The following BABAM2 variants were observed in gnomAD, a reference collection of about 807,000 sequenced individuals.
The protein encoded by BABAM2 is BRISC and BRCA1-A complex member 2.
In BABAM2, 31 loss-of-function variants were observed where a neutral mutation model predicts 54.7. The ratio of observed to expected loss-of-function variants is 0.57; its 90% confidence interval spans 0.43 to 0.77. BABAM2 has a LOEUF of 0.77. Among genes scored for constraint, BABAM2 ranks in the 30% least tolerant of loss-of-function variants. The probability of loss-of-function intolerance (pLI) is 0.00; values close to 1 mark genes in which losing one functional copy is unlikely to be tolerated. For synonymous variants in BABAM2, 167 were observed against 162.9 expected, an observed-to-expected ratio of 1.03 and a Z score of -0.19; for missense variants, 364 against 455.8, an observed-to-expected ratio of 0.80 and a Z score of 1.83.
At position 28,080,509 on chromosome 2, in the gene BABAM2, G is replaced by A. The variant is rs1387911134; in HGVS notation, c.570+34710G>A. On this transcript the variant is annotated intron_variant, in intron 6 of 11. Transcript: ENST00000379624. ...TGCCTCAAAAATCTCTAGATATAAT[G>A]AGAGAGATGGTAGGTACTCCTTGAG... Among the ~76,000 whole-genome samples the A allele has an allele frequency of 2.0e-5, 3 of 152,168 alleles. No homozygotes were observed. In the South Asian group the frequency reaches 6.2e-4, roughly 32 times the overall value.
chr2:28,068,957 G>A (rs563322734), intron 6 of BABAM2, among the ~76,000 whole-genome samples: 1 of 152,338 alleles, frequency 6.6e-6, no homozygotes, highest in Admixed American at 6.5e-5. Flanking sequence ...TTGTGTATGA[G>A]AGTGTGAAGG....
intron 7 of BABAM2, among the ~76,000 whole-genome samples, chr2:28,161,934 T>C (rs771355683): frequency 6.6e-6 from 1 of 152,170 alleles, no homozygotes; most frequent in Non-Finnish European, 1.5e-5. Flanking sequence ...ATTTGGACAC[T>C]CTTTTGTTTG....
chr2:28,196,834 G>GTTTTT (rs1316220461), intron 7 of BABAM2, among the ~76,000 whole-genome samples: 41 of 26,350 alleles, frequency 1.6e-3, no homozygotes, highest in East Asian at 9.1e-3. Flanking sequence ...GTGAGACCCT[G>GTTTTT]TCTTTTTTTT....
At chr2:28,223,499 A>G (rs1204578486) in intron 7 of BABAM2, among the ~76,000 whole-genome samples, 1 of 152,104 alleles carries the variant, frequency 6.6e-6, no homozygotes, top group Admixed American at 6.5e-5. Context: ...AGCCCCTTAA[A>G]CTGGCTCTGC....
chr2:28,064,675 A>G (rs1465460126), intron 6 of BABAM2, among the ~76,000 whole-genome samples: 3 of 152,186 alleles, frequency 2.0e-5, no homozygotes, highest in Non-Finnish European at 2.9e-5. Context: ...GTTTTATGCT[A>G]GTGCACCCAG....
chr2:27,995,267 A>G lies in BABAM2; in HGVS notation c.300+7180A>G, dbSNP rs72812550. Among the ~76,000 whole-genome samples the G allele has an allele frequency of 0.079, 11,997 of 152,160 alleles. 806 individuals carry two copies. The highest frequency in any genetic ancestry group is 0.18 in the African/African-American group (7,517 of 41,464). On this transcript the variant is annotated intron_variant, in intron 4 of 11. Coordinates refer to ENST00000379624, the MANE Select transcript of BABAM2 (RefSeq NM_199191.3). This position sits in a 1 kb window ranked among gnomAD's most constrained non-coding sequence, Gnocchi z 4.1. ...GAAACAGGCTGGAGGATGAGCACTA[A>G]TAGGTCTTCTGCATGGCTCTGGCAG...
chr2:28,090,410 A>C (rs1251920983), intron 6 of BABAM2, among the ~76,000 whole-genome samples: 1 of 151,838 alleles, frequency 6.6e-6, no homozygotes. Context: ...ACACCCGGCT[A>C]AGTTTTGTAT....
intron 10 of BABAM2, among the ~76,000 whole-genome samples, chr2:28,286,857 A>G (rs1558501563): frequency 1.3e-5 from 2 of 152,266 alleles, no homozygotes; most frequent in East Asian, 3.9e-4. Context: ...AGAGCCGGCC[A>G]TGGTATGTGC....
chr2:28,046,939 T>G (rs1039334040), intron 6 of BABAM2, among the ~76,000 whole-genome samples: 1 of 152,056 alleles, frequency 6.6e-6, no homozygotes, highest in African/African-American at 2.4e-5. Flanking sequence ...AAGCTAATTT[T>G]TTGTTTTTTG....
intron 10 of BABAM2, among the ~76,000 whole-genome samples, chr2:28,279,607 C>A (rs1686171000): frequency 6.7e-6 from 1 of 149,652 alleles, no homozygotes; most frequent in Admixed American, 6.6e-5. Flanking sequence ...CTTCTGTATT[C>A]AAACTCCTTA....
intron 5 of BABAM2, among the ~76,000 whole-genome samples, chr2:28,026,512 C>T (rs964229363): frequency 6.6e-6 from 1 of 151,278 alleles, no homozygotes; most frequent in Non-Finnish European, 1.5e-5. Flanking sequence ...TATTCTCACT[C>T]ATAAGTGGGA....
intron 4 of BABAM2, among the ~76,000 whole-genome samples, chr2:28,014,167 G>A (rs970460708): frequency 6.6e-6 from 1 of 152,156 alleles, no homozygotes; most frequent in Non-Finnish European, 1.5e-5. Context: ...TCACATACAG[G>A]ATGGGGGGAG....
intron 4 of BABAM2, chr2:28,015,941 A>G (rs1010107887): frequency 5.1e-6 from 3 of 586,808 alleles, no homozygotes; most frequent in Non-Finnish European, 9.2e-6. Context: ...TCTTCAGAAT[A>G]TATCTTTCTC....
chr2:28,277,341 G>A (rs1009916773), intron 10 of BABAM2, among the ~76,000 whole-genome samples: 3 of 152,110 alleles, frequency 2.0e-5, no homozygotes, highest in Admixed American at 6.5e-5. Context: ...CTGACCTCAA[G>A]TGATCCTCCA....
At chr2:28,172,360 A>G (rs1674435382) in intron 7 of BABAM2, among the ~76,000 whole-genome samples, 1 of 152,156 alleles carries the variant, frequency 6.6e-6, no homozygotes, top group South Asian at 2.1e-4. Flanking sequence ...AGGGTTACAG[A>G]GCAGGGAAGA....
rs1435956062 is a variant in BABAM2 at position 27,914,342 on chromosome 2, T to TTGTGCTTGTTCTATAGGATCTAAA, written c.129-15488_129-15487insTGCTTGTTCTATAGGATCTAAATG. Among the ~76,000 whole-genome samples the TTGTGCTTGTTCTATAGGATCTAAA allele has an allele frequency of 2.6e-5, 4 of 152,310 alleles. No individual in the cohort carries two copies. The South Asian group carries it at 8.3e-4, about 32-fold the overall frequency. ...TTGTCACAATATAGAACAAGCTTAA[T>TTGTGCTTGTTCTATAGGATCTAAA]TGATCCTGCATGTTAGTGAAGATAG... On this transcript the variant is annotated intron_variant, in intron 2 of 11. Transcript: ENST00000379624.
At position 28,116,639 on chromosome 2, in the gene BABAM2, G is replaced by A. The variant is rs951667490; in HGVS notation, c.571-12632G>A. Among the ~76,000 whole-genome samples the A allele has an allele frequency of 3.3e-5, 5 of 152,190 alleles. 1 individual carries two copies. Among genetic ancestry groups the A allele is most frequent in the Admixed American group, 6.5e-5 (1 of 15,274 alleles). On this transcript the variant is annotated intron_variant, in intron 6 of 11. Coordinates refer to ENST00000379624, the MANE Select transcript of BABAM2 (RefSeq NM_199191.3). ...TAAACTCCAGAATTCACAGCAACCT[G>A]GAGAGGAGAGGACAGGGTGTAGCTT...
chr2:28,319,180 G>GT (rs748990389), intron 11 of BABAM2, among the ~76,000 whole-genome samples: 7 of 152,214 alleles, frequency 4.6e-5, no homozygotes, highest in Non-Finnish European at 7.3e-5. Context: ...CCATGCCCAT[G>GT]TTAGTGCACC....
intron 7 of BABAM2, among the ~76,000 whole-genome samples, chr2:28,164,416 C>T (rs1478108414): frequency 6.6e-6 from 1 of 151,942 alleles, no homozygotes; most frequent in Non-Finnish European, 1.5e-5. Flanking sequence ...ATATAAACCT[C>T]GGGCACATAA....
Sources: gnomAD v4.1 joint callset for allele counts (sites outside exome capture counted in the v4.1 genomes callset) on GRCh38, gnomAD v4.1.1 for gene constraint, Gnocchi (gnomAD v3.1) non-coding constraint, MANE v1.5 for transcripts, NCBI Gene and HGNC (gene_info 2026-07-23, HGNC 2026-07-21) for gene names.